The following LRRC9 variants were observed in gnomAD, a reference collection of about 807,000 sequenced individuals.
The protein encoded by LRRC9 is leucine-rich repeat-containing protein 9.
A neutral mutation model predicts 63.2 loss-of-function variants in LRRC9; 122 were observed. The observed-to-expected ratio is 1.93, with a 90% CI of 1.67 to 2.24. The LOEUF (loss-of-function observed/expected upper bound fraction) is 2.24. Ranked by LOEUF, LRRC9 falls within the 30% of genes most tolerant of loss-of-function variation. The pLI, the probability that LRRC9 is intolerant of heterozygous loss-of-function variation, is 0.00. For synonymous variants in LRRC9, 366 were observed against 213.1 expected (o/e 1.72, Z -6.25); for missense variants, 1,071 against 627.7 (o/e 1.71, Z -7.55).
At position 59,923,638 on chromosome 14, in the gene LRRC9, T is replaced by C. The variant is rs375441304; in HGVS notation, c.-34+3755T>C. On this transcript the variant is annotated intron_variant, in intron 1 of 31. Transcript: ENST00000445360. This position sits in a 1 kb window ranked among gnomAD's most constrained non-coding sequence, Gnocchi z 4.2. ...AATTTAAAATATAAATCACAGTAATTAAAACAGATACAGTCAGGCGAGGTG... is the reference window on the plus strand; with the variant it reads ...AATTTAAAATATAAATCACAGTAATCAAAACAGATACAGTCAGGCGAGGTG... Among the ~76,000 whole-genome samples the C allele has an allele frequency of 1.1e-4, 16 of 152,258 alleles. 1 individual carries two copies. The highest frequency in any genetic ancestry group is 3.6e-4 in the African/African-American group (15 of 41,542).
At chr14:60,023,797 TC>T (rs1204875952) in intron 27 of LRRC9, among the ~76,000 whole-genome samples, 1 of 152,014 alleles carries the variant, frequency 6.6e-6, no homozygotes, top group African/African-American at 2.4e-5. Flanking sequence ...CCTTCCCTTG[TC>T]CCCCTACTCC....
chr14:59,982,008 A>T (rs748301647), exon 16 of LRRC9: 9 of 702,494 alleles, frequency 1.3e-5, no homozygotes, highest in Non-Finnish European at 2.1e-5. Context: ...ATTAGTTTGG[A>T]TGATAAAACA....
chr14:60,023,745 A>G (rs1891300133), intron 27 of LRRC9, among the ~76,000 whole-genome samples: 1 of 152,042 alleles, frequency 6.6e-6, no homozygotes, highest in Non-Finnish European at 1.5e-5. Context: ...TGCTGCACCC[A>G]ACAACCCATC....
intron 31 of LRRC9, among the ~76,000 whole-genome samples, chr14:60,062,822 C>G (rs1894737297): frequency 6.6e-6 from 1 of 152,102 alleles, no homozygotes; most frequent in Non-Finnish European, 1.5e-5. Flanking sequence ...AGCAGCAGAT[C>G]TAGCTTAGGC....
intron 9 of LRRC9, among the ~76,000 whole-genome samples, 171 bp downstream of exon 9, chr14:59,960,185 G>C (rs10483722): frequency 0.18 from 26,678 of 152,114 alleles, 2,849 homozygotes; most frequent in East Asian, 0.29. Flanking sequence ...AAGCATCATG[G>C]GATAAAAGCT....
At chr14:59,945,425 T>A (rs1594840005) in intron 8 of LRRC9, among the ~76,000 whole-genome samples, 1 of 152,016 alleles carries the variant, frequency 6.6e-6, no homozygotes, top group East Asian at 1.9e-4. Flanking sequence ...GAGAGTTGGC[T>A]CCTTCATTTG....
intron 29 of LRRC9, among the ~76,000 whole-genome samples, chr14:60,040,236 G>A (rs1343316413): frequency 6.6e-6 from 1 of 151,982 alleles, no homozygotes. Flanking sequence ...TGTACATTTT[G>A]TTGATTTGCA....
intron 29 of LRRC9, among the ~76,000 whole-genome samples, chr14:60,035,635 A>G (rs1475076332): frequency 1.3e-5 from 2 of 152,196 alleles, no homozygotes; most frequent in African/African-American, 4.8e-5. Flanking sequence ...CTTTTGTCAA[A>G]GATGAATTGA....
intron 13 of LRRC9, among the ~76,000 whole-genome samples, 157 bp downstream of exon 13, chr14:59,974,865 C>T (rs1885943387): frequency 6.6e-6 from 1 of 151,274 alleles, no homozygotes; most frequent in Non-Finnish European, 1.5e-5. Flanking sequence ...ACATGACTTT[C>T]TCATCATTAA....
chr14:60,053,142 G>T lies in LRRC9; in HGVS notation c.4068G>T (p.Val1356=). ...TACAGATGTTAGATGGAAGTCCTGT[G>T]AATTCAGATGATAGGGCAAAAGCTG... The change falls in exon 30 of 32, where the codon GTG becomes GTT. Residue 1356 remains valine, a synonymous_variant. Transcript: ENST00000445360. The surrounding 1 kb of genome is among the most constrained non-coding windows in gnomAD (Gnocchi z 4.8). The T allele has an allele frequency of 1.4e-6, 1 of 701,874 alleles. No homozygotes were observed. Among genetic ancestry groups the T allele is most frequent in the Non-Finnish European group, 2.6e-6 (1 of 384,340 alleles). The allele number at this position is 701,874 out of a possible 1,614,324, so 43.5% of individuals were successfully genotyped here.
chr14:59,999,410 G>A (rs1229400923), intron 19 of LRRC9, among the ~76,000 whole-genome samples, 184 bp downstream of exon 19: 9 of 151,786 alleles, frequency 5.9e-5, no homozygotes, highest in Non-Finnish European at 8.8e-5. Flanking sequence ...ATACCAAATC[G>A]TTGTATGGAT....
At chr14:59,993,044 G>C (rs1209815468) in intron 17 of LRRC9, among the ~76,000 whole-genome samples, 1 of 152,172 alleles carries the variant, frequency 6.6e-6, no homozygotes, top group Non-Finnish European at 1.5e-5. Flanking sequence ...AAAATGTTAA[G>C]GGCAGCCAGA....
At chr14:59,935,933 A>G (rs1007227251) in intron 6 of LRRC9, among the ~76,000 whole-genome samples, 4 of 152,214 alleles carry the variant, frequency 2.6e-5, no homozygotes, top group Admixed American at 1.3e-4. Context: ...CCAAGAAACT[A>G]TATGGAAGTT....
chr14:59,928,232 A>C (rs1889373592), intron 2 of LRRC9, 36 bp from the exon 3 acceptor site: 1 of 566,976 alleles, frequency 1.8e-6, no homozygotes. Context: ...AATTATTTAA[A>C]ATAGGTAATG....
intron 29 of LRRC9, among the ~76,000 whole-genome samples, chr14:60,040,943 A>T (rs879574038): frequency 1.4e-4 from 22 of 151,916 alleles, no homozygotes; most frequent in Non-Finnish European, 2.5e-4. Flanking sequence ...GAGGTCTTGT[A>T]AGGCAGGCCT....
At position 59,966,271 on chromosome 14, in the gene LRRC9, T is replaced by G. The variant is rs144037514; in HGVS notation, c.1212-318T>G. Among the ~76,000 whole-genome samples the G allele has an allele frequency of 4.5e-4, 68 of 152,312 alleles. 1 individual carries two copies. In the East Asian group the frequency reaches 9.1e-3, roughly 20 times the overall value. On this transcript the variant is annotated intron_variant, in intron 10 of 31. Transcript: ENST00000445360. This position sits in a 1 kb window ranked among gnomAD's most constrained non-coding sequence, Gnocchi z 4.0. ...GGCCAAAGGCTGATCCCTGGGCAGT[T>G]CAACATCTAAAAGTCTGTCTGAGAA... is the stretch of plus-strand genomic sequence containing the variant.
chr14:60,059,614 GATA>G (rs1243548016), intron 31 of LRRC9, among the ~76,000 whole-genome samples: 1 of 152,190 alleles, frequency 6.6e-6, no homozygotes, highest in Non-Finnish European at 1.5e-5. Context: ...AAGTGGTCCG[GATA>G]GGATATCAAC....
At chr14:59,944,544 A>G in intron 7 of LRRC9, 45 bp from the exon 8 acceptor site, 1 of 535,492 alleles carries the variant, frequency 1.9e-6, no homozygotes, top group Non-Finnish European at 3.3e-6. Context: ...AATTGCCTAT[A>G]ATTTGTTTTA....
chr14:60,006,575 C>T (rs1889824817), exon 22 of LRRC9: 1 of 700,124 alleles, frequency 1.4e-6, no homozygotes, highest in East Asian at 2.7e-5. Context: ...TATACATAAG[C>T]AATAACTATA....
Sources: allele counts gnomAD v4.1 joint callset (sites outside exome capture counted in the v4.1 genomes callset), GRCh38; gene constraint gnomAD v4.1.1; non-coding constraint Gnocchi (gnomAD v3.1); transcripts MANE v1.5; gene names NCBI Gene and HGNC (gene_info 2026-07-23, HGNC 2026-07-21).